Variants in GARNL3 observed in about 807,000 individuals in gnomAD.
The protein encoded by GARNL3 is GTPase activating Rap/RanGAP domain like 3, also known as GTPase-activating Rap/Ran-GAP domain-like protein 3.
A neutral mutation model predicts 125.0 loss-of-function variants in GARNL3; 63 were observed. The observed-to-expected ratio is 0.50, with a 90% CI of 0.41 to 0.62. GARNL3 has a LOEUF of 0.62. GARNL3 is among the 20% of genes least tolerant of loss of function. The pLI, the probability that GARNL3 is intolerant of heterozygous loss-of-function variation, is 0.00. For missense variants in GARNL3, 994 were observed against 1,244.0 expected, an observed-to-expected ratio of 0.80 and a Z score of 3.02; for synonymous variants, 439 against 457.5, an observed-to-expected ratio of 0.96 and a Z score of 0.52.
intron 2 of GARNL3, among the ~76,000 whole-genome samples, chr9:127,251,087 T>C (rs556864935): frequency 9.8e-5 from 15 of 152,336 alleles, no homozygotes; most frequent in Admixed American, 8.5e-4. Context: ...CAGCACACCA[T>C]AAGGGCACAC....
intron 20 of GARNL3, among the ~76,000 whole-genome samples, chr9:127,356,952 C>A (rs1564174586): frequency 6.6e-6 from 1 of 152,244 alleles, no homozygotes; most frequent in African/African-American, 2.4e-5. Flanking sequence ...GCAGACCATA[C>A]TGTTGATTGC....
intron 2 of GARNL3, among the ~76,000 whole-genome samples, chr9:127,252,758 A>G (rs1034228923): frequency 1.3e-5 from 2 of 152,268 alleles, no homozygotes; most frequent in African/African-American, 4.8e-5. Context: ...TATAATTTAC[A>G]TGCAATAAAA....
upstream of GARNL3, among the ~76,000 whole-genome samples, chr9:127,261,761 T>C (rs1377231114): frequency 2.6e-5 from 4 of 152,192 alleles, no homozygotes; most frequent in African/African-American, 4.8e-5. Context: ...GCCCCTCATT[T>C]CTACCCATAT....
intron 1 of GARNL3, among the ~76,000 whole-genome samples, chr9:127,265,393 C>T (rs1371355844): frequency 1.3e-5 from 2 of 151,852 alleles, no homozygotes; most frequent in Non-Finnish European, 2.9e-5. Context: ...TATTGAAATA[C>T]GTATTCTGAT....
At chr9:127,263,930 CTCTT>C, upstream of GARNL3, 1 of 1,502,236 alleles carries the variant, frequency 6.7e-7, no homozygotes, top group Non-Finnish European at 8.9e-7. Flanking sequence ...CAGAGTCAGT[CTCTT>C]TCTGCATGTG....
chr9:127,228,967 G>T (rs367615803), intron 1 of GARNL3, among the ~76,000 whole-genome samples: 1 of 152,072 alleles, frequency 6.6e-6, no homozygotes, highest in African/African-American at 2.4e-5. Flanking sequence ...GATTACAGGC[G>T]CATGCCACCA....
At chr9:127,236,257 C>T (rs900613545) in intron 1 of GARNL3, among the ~76,000 whole-genome samples, 1 of 152,270 alleles carries the variant, frequency 6.6e-6, no homozygotes, top group African/African-American at 2.4e-5. Flanking sequence ...ATGTTATTAT[C>T]GGAAATGTCA....
At position 127,384,282 on chromosome 9, in the gene GARNL3, G is replaced by T. The variant is rs1021617343; in HGVS notation, c.2269+737G>T. ...AAGTCATGGCTGGAGGCATAGATGT[G>T]GTAGGCACAGTCACCAGGAAAGCCA... On this transcript the variant is annotated intron_variant, in intron 23 of 27. Transcript: ENST00000373387. This position sits in a 1 kb window ranked among gnomAD's most constrained non-coding sequence, Gnocchi z 4.0. 6.6e-6 allele frequency among the ~76,000 whole-genome samples: 1 copy of T among 152,118 alleles called. No individual in the cohort carries two copies. Among genetic ancestry groups the T allele is most frequent in the Non-Finnish European group, 1.5e-5 (1 of 68,018 alleles).
At chr9:127,246,037 C>T (rs2063297875) in intron 2 of GARNL3, among the ~76,000 whole-genome samples, 1 of 152,146 alleles carries the variant, frequency 6.6e-6, no homozygotes, top group Non-Finnish European at 1.5e-5. Flanking sequence ...GGGTCTTACA[C>T]TAGGTACCAC....
chr9:127,272,489 CTT>C (rs71493519), intron 1 of GARNL3, among the ~76,000 whole-genome samples: 6 of 124,108 alleles, frequency 4.8e-5, no homozygotes, highest in East Asian at 2.1e-4. Context: ...CAGGCCAACT[CTT>C]TTTTTTTTTT....
intron 1 of GARNL3, among the ~76,000 whole-genome samples, chr9:127,274,924 GT>G (rs1369335963): frequency 3.3e-5 from 5 of 152,046 alleles, no homozygotes; most frequent in Admixed American, 2.6e-4. Context: ...CTTGGTGTCT[GT>G]TTGGTAACAG....
intron 1 of GARNL3, among the ~76,000 whole-genome samples, chr9:127,283,449 T>A (rs756577563): frequency 6.6e-6 from 1 of 152,094 alleles, no homozygotes; most frequent in Non-Finnish European, 1.5e-5. Context: ...AGCAGGAGGA[T>A]CACTTGAGAC....
chr9:127,390,650 A>T lies in GARNL3; in HGVS notation c.2753A>T (p.Asp918Val), dbSNP rs146524790. 3.7e-6 allele frequency: 6 copies of T among 1,613,812 alleles called. No homozygotes were observed. The highest frequency in any genetic ancestry group is 4.2e-6 in the Non-Finnish European group (5 of 1,179,892). Residue 918 changes from aspartate to valine, a missense_variant, in exon 27 of 28, where the codon GAT (aspartate) becomes GTT (valine). Around this residue, in one of 5 missense-constraint regions of GARNL3, gnomAD observed 728 missense variants for 865.7 expected, o/e 0.84. Transcript: ENST00000373387. ...RTRRELLGLS[D>V]EGGPKSEGAP... ...ATGATTCTCAATCCAGGCCTCTCGG[A>T]TGAAGGTGGACCCAAGTCAGAAGGA...
chr9:127,346,226 C>T (rs1830132432), intron 16 of GARNL3, among the ~76,000 whole-genome samples: 1 of 152,154 alleles, frequency 6.6e-6, no homozygotes, highest in South Asian at 2.1e-4. Context: ...ACCCCATGTA[C>T]TTAATTATAT....
rs80047497 is a variant in GARNL3 at position 127,365,101 on chromosome 9, C to A, written c.2095-199C>A. Reference sequence around the variant, plus strand: ...GGAGAGACTTTTCTTTCTTTTTTTTCTTTTCTTTTCTTTCTCACTTCCATT... The same window carrying A: ...GGAGAGACTTTTCTTTCTTTTTTTTATTTTCTTTTCTTTCTCACTTCCATT... On this transcript the variant is annotated intron_variant, in intron 21 of 27. Transcript: ENST00000373387. 208 of 481,884 alleles carry A rather than the reference C, an allele frequency of 4.3e-4. 3 individuals are homozygous for A. The highest frequency in any genetic ancestry group is 3.7e-3 in the African/African-American group (185 of 49,642). 29.9% of individuals were successfully genotyped at this position (481,884 alleles called of 1,614,324 possible).
intron 2 of GARNL3, among the ~76,000 whole-genome samples, chr9:127,297,841 C>A (rs983088514): frequency 1.3e-5 from 2 of 152,170 alleles, no homozygotes; most frequent in Non-Finnish European, 2.9e-5. Context: ...TTTCTTAAAG[C>A]TGTCTATAGC....
intron 14 of GARNL3, among the ~76,000 whole-genome samples, chr9:127,343,896 AG>A (rs1215357639): frequency 6.6e-6 from 1 of 152,138 alleles, no homozygotes; most frequent in Non-Finnish European, 1.5e-5. Flanking sequence ...GTTGTGTTCC[AG>A]GGGGTGCTGC....
intron 26 of GARNL3, among the ~76,000 whole-genome samples, chr9:127,389,700 C>A (rs1450881932): frequency 2.6e-5 from 4 of 152,062 alleles, no homozygotes; most frequent in Non-Finnish European, 5.9e-5. Context: ...GCAGGCAGAT[C>A]ACTTGAGTGC....
intron 2 of GARNL3, among the ~76,000 whole-genome samples, chr9:127,257,774 G>A (rs1231102805): frequency 6.6e-6 from 1 of 152,218 alleles, no homozygotes; most frequent in Non-Finnish European, 1.5e-5. Flanking sequence ...GAACCCACCT[G>A]TGTTCAAGTA....
Sources: gnomAD v4.1 joint callset for allele counts (sites outside exome capture counted in the v4.1 genomes callset) on GRCh38, gnomAD v4.1.1 for gene constraint, gnomAD v4.1.1 regional missense constraint, Gnocchi (gnomAD v3.1) non-coding constraint, MANE v1.5 for transcripts, NCBI Gene and HGNC (gene_info 2026-07-23, HGNC 2026-07-21) for gene names.